Variants in CSMD1 observed in about 807,000 individuals in gnomAD.
CSMD1 encodes the protein CUB and Sushi multiple domains 1, also known as CUB and sushi domain-containing protein 1.
Under a neutral mutation model 417.5 loss-of-function variants are expected in CSMD1, and 213 were observed. That is an observed-to-expected ratio of 0.51 (90% CI 0.46 to 0.57). The LOEUF is 0.57. Ranked by LOEUF, CSMD1 falls within the 20% of genes least tolerant of loss-of-function variation. CSMD1 has a pLI of 0.00. For missense variants in CSMD1, 6,923 were observed against 4,529.7 expected, an observed-to-expected ratio of 1.53 and a Z score of -15.17; for synonymous variants, 2,862 against 1,736.8, an observed-to-expected ratio of 1.65 and a Z score of -16.11.
intron 5 of CSMD1, among the ~76,000 whole-genome samples, chr8:3,984,690 T>G (rs111910051): frequency 1.5e-5 from 2 of 134,708 alleles, no homozygotes; most frequent in African/African-American, 5.5e-5. Flanking sequence ...GGGTTCAGGA[T>G]TCAGTGTATA....
chr8:4,531,611 G>C (rs893338218), intron 2 of CSMD1, among the ~76,000 whole-genome samples: 20 of 152,158 alleles, frequency 1.3e-4, no homozygotes, highest in African/African-American at 4.3e-4. Flanking sequence ...AGCTTTCTGC[G>C]CTCGTCAGGC....
intron 23 of CSMD1, among the ~76,000 whole-genome samples, chr8:3,313,436 C>G (rs1446345558): frequency 6.6e-6 from 1 of 152,130 alleles, no homozygotes; most frequent in Non-Finnish European, 1.5e-5. Flanking sequence ...ACAACCCCAT[C>G]AAAAAGTGGG....
At chr8:3,694,368 A>G (rs1333005475) in intron 7 of CSMD1, among the ~76,000 whole-genome samples, 1 of 152,128 alleles carries the variant, frequency 6.6e-6, no homozygotes, top group Non-Finnish European at 1.5e-5. Context: ...GGATTTTCCC[A>G]AACTGACACC....
chr8:2,986,862 A>G (rs1011315673), intron 54 of CSMD1, among the ~76,000 whole-genome samples: 2 of 152,156 alleles, frequency 1.3e-5, no homozygotes, highest in African/African-American at 2.4e-5. Flanking sequence ...ACATTGCAGG[A>G]AATATTAATT....
At chr8:3,777,218 C>A (rs1563069572) in intron 5 of CSMD1, among the ~76,000 whole-genome samples, 1 of 151,978 alleles carries the variant, frequency 6.6e-6, no homozygotes. Context: ...AATCTGCCTT[C>A]TCCTATAGAA....
At chr8:3,940,721 GCATT>G (rs960291495) in intron 5 of CSMD1, among the ~76,000 whole-genome samples, 23 of 151,060 alleles carry the variant, frequency 1.5e-4, no homozygotes, top group African/African-American at 5.6e-4. Context: ...TTTCATACTA[GCATT>G]CATTTTTAAA....
At chr8:4,420,683 G>C (rs932627062) in intron 2 of CSMD1, among the ~76,000 whole-genome samples, 6 of 152,156 alleles carry the variant, frequency 3.9e-5, no homozygotes, top group Non-Finnish European at 5.9e-5. Flanking sequence ...CTTAGGAAAA[G>C]TGAGTGAGAT....
At chr8:3,282,663 T>C (rs571159576) in intron 26 of CSMD1, among the ~76,000 whole-genome samples, 5 of 152,162 alleles carry the variant, frequency 3.3e-5, no homozygotes, top group Non-Finnish European at 7.3e-5. Flanking sequence ...AATTTTACCA[T>C]GTACAAGTAC....
chr8:3,435,686 C>T (rs1468310378), intron 12 of CSMD1, among the ~76,000 whole-genome samples: 3 of 152,146 alleles, frequency 2.0e-5, no homozygotes, highest in Non-Finnish European at 2.9e-5. Flanking sequence ...CGTCCTACCT[C>T]CTGCCTTCAC....
At chr8:3,875,455 T>A (rs979301366) in intron 5 of CSMD1, among the ~76,000 whole-genome samples, 4 of 152,022 alleles carry the variant, frequency 2.6e-5, no homozygotes, top group African/African-American at 2.4e-5. Flanking sequence ...TGTAGGTGAA[T>A]GGGTGGAAAA....
intron 2 of CSMD1, among the ~76,000 whole-genome samples, chr8:4,575,855 C>A (rs1329018625): frequency 6.6e-6 from 1 of 152,156 alleles, no homozygotes; most frequent in East Asian, 1.9e-4. Flanking sequence ...CAGTCGCCTT[C>A]TAAAGACTTG....
chr8:3,775,977 G>T (rs997030079), intron 5 of CSMD1, among the ~76,000 whole-genome samples: 1 of 152,140 alleles, frequency 6.6e-6, no homozygotes, highest in African/African-American at 2.4e-5. Context: ...ATCAGCCCAG[G>T]CTTCCTCCTC....
chr8:3,453,764 G>A (rs189425742), intron 12 of CSMD1, among the ~76,000 whole-genome samples: 6 of 152,268 alleles, frequency 3.9e-5, no homozygotes, highest in Admixed American at 3.3e-4. Context: ...GGTGTGGTAT[G>A]GTGCTGAAAA....
chr8:3,493,694 C>A lies in CSMD1; in HGVS notation c.1377G>T (p.Leu459=), dbSNP rs765747249. 6.2e-7 allele frequency: 1 copy of A among 1,611,900 alleles called. No homozygotes were observed. The highest frequency in any genetic ancestry group is 1.3e-5 in the African/African-American group (1 of 75,024). Reference sequence around the variant, plus strand: ...CCGTCAGGGTGTCATAGCCTCGCTCCAGCTCAAACTCTTCAAAGGCAAGCT... The same window carrying A: ...CCGTCAGGGTGTCATAGCCTCGCTCAAGCTCAAACTCTTCAAAGGCAAGCT... ...VIKLAFEEFE[L]ERGYDTLTVG... Residue 459 remains leucine, a synonymous_variant, in exon 11 of 70, where the codon CTG becomes CTT. Transcript: ENST00000635120.
At chr8:4,256,277 G>C (rs76125812) in intron 3 of CSMD1, among the ~76,000 whole-genome samples, 88 of 152,238 alleles carry the variant, frequency 5.8e-4, no homozygotes, top group Non-Finnish European at 1.0e-3. Flanking sequence ...GAGGTTTCAC[G>C]ATGCTTATGA....
At chr8:4,807,163 A>G (rs1391945976) in intron 1 of CSMD1, among the ~76,000 whole-genome samples, 3 of 152,216 alleles carry the variant, frequency 2.0e-5, no homozygotes, top group Admixed American at 2.0e-4. Flanking sequence ...GACTGTGATT[A>G]AAGTGGATGA....
At chr8:4,714,475 C>T (rs985942821) in intron 1 of CSMD1, among the ~76,000 whole-genome samples, 2 of 152,132 alleles carry the variant, frequency 1.3e-5, no homozygotes, top group Non-Finnish European at 2.9e-5. Context: ...CTTTCATATG[C>T]TTCATCTTAC....
intron 12 of CSMD1, among the ~76,000 whole-genome samples, chr8:3,411,245 C>CTTTT (rs1812680931): frequency 6.6e-6 from 1 of 152,112 alleles, no homozygotes; most frequent in Non-Finnish European, 1.5e-5. Context: ...ACACCAGTCC[C>CTTTT]AAAAGTGCAT....
intron 3 of CSMD1, among the ~76,000 whole-genome samples, chr8:4,377,923 G>A (rs567347160): frequency 6.6e-6 from 1 of 152,158 alleles, no homozygotes; most frequent in Admixed American, 6.5e-5. Context: ...AAATTGGGAG[G>A]TACTTAACAA....
Sources: gnomAD v4.1 joint callset for allele counts (sites outside exome capture counted in the v4.1 genomes callset) on GRCh38, gnomAD v4.1.1 for gene constraint, MANE v1.5 for transcripts, NCBI Gene and HGNC (gene_info 2026-07-23, HGNC 2026-07-21) for gene names.